The following TEKTL1 variants were observed in gnomAD, a reference collection of about 807,000 sequenced individuals.
TEKTL1 encodes tektin like 1, also known as tektin-like protein 1.
the TEKTL1 span, among the ~76,000 whole-genome samples, chr19:15,017,776 G>C: frequency 6.6e-6 from 1 of 152,154 alleles, no homozygotes; most frequent in Non-Finnish European, 1.5e-5. Context: ...GGAAGCTGTT[G>C]CTGTCTCTTA....
the TEKTL1 span, chr19:15,022,768 C>A: frequency 7.9e-7 from 1 of 1,272,154 alleles, no homozygotes; most frequent in Non-Finnish European, 1.1e-6. Context: ...ATGTGTTCCC[C>A]TCCTCAGCTG....
the TEKTL1 span, chr19:15,013,895 A>G: frequency 1.6e-6 from 1 of 641,178 alleles, no homozygotes; most frequent in Non-Finnish European, 2.8e-6. Context: ...CACACTGACC[A>G]GATATTCACT....
chr19:15,023,245 T>C, the TEKTL1 span: 1 of 813,918 alleles, frequency 1.2e-6, no homozygotes, highest in Non-Finnish European at 1.9e-6. Flanking sequence ...TCTAGGAGAA[T>C]TATAATTAAA....
At chr19:15,020,738 G>C in the TEKTL1 span, 1 of 1,248,528 alleles carries the variant, frequency 8.0e-7, no homozygotes, top group East Asian at 2.5e-5. Context: ...CGCCCACTTA[G>C]CTGTCCCTTT....
At chr19:15,020,564 G>C in the TEKTL1 span, 34 of 1,613,988 alleles carry the variant, frequency 2.1e-5, no homozygotes, top group Admixed American at 5.7e-4. Context: ...GAGCAGGCCA[G>C]ACGCCACTCA....
At chr19:15,021,959 C>T in the TEKTL1 span, 1 of 1,490,284 alleles carries the variant, frequency 6.7e-7, no homozygotes, top group Non-Finnish European at 9.3e-7. Context: ...CCCAGCCCCG[C>T]CAATGGTAAG....
chr19:15,021,362 T>G, the TEKTL1 span: 1 of 1,614,122 alleles, frequency 6.2e-7, no homozygotes, highest in Non-Finnish European at 8.5e-7. Flanking sequence ...GCGTGCGCCT[T>G]GGCGCTAAAC....
the TEKTL1 span, among the ~76,000 whole-genome samples, chr19:15,016,847 A>G: frequency 0.74 from 112,789 of 151,992 alleles, 41,983 homozygotes; most frequent in Admixed American, 0.78. Flanking sequence ...CTGTGTTTCA[A>G]TAAAATTTTA....
the TEKTL1 span, among the ~76,000 whole-genome samples, chr19:15,020,307 CA>C: frequency 0.2 from 28,124 of 139,014 alleles, 3,316 homozygotes; most frequent in South Asian, 0.33. Context: ...GATTTTGTCT[CA>C]AAAAAAAAAA....
the TEKTL1 span, chr19:15,021,864 G>A: frequency 1.2e-6 from 2 of 1,614,010 alleles, no homozygotes; most frequent in Non-Finnish European, 8.5e-7. Context: ...CCCCTGGTTC[G>A]CATGTACCAG....
chr19:15,021,587 G>A, the TEKTL1 span: 1 of 1,613,556 alleles, frequency 6.2e-7, no homozygotes, highest in Non-Finnish European at 8.5e-7. Context: ...GGGAGCCAGC[G>A]TGATCCCCCT....
the TEKTL1 span, among the ~76,000 whole-genome samples, chr19:15,020,013 A>C: frequency 7.4e-5 from 4 of 54,034 alleles, no homozygotes; most frequent in African/African-American, 1.4e-4. Context: ...TACCAGTATC[A>C]AAAAAAAAAA....
chr19:15,020,422 C>T, the TEKTL1 span: 1 of 1,579,026 alleles, frequency 6.3e-7, no homozygotes. Context: ...CCTCAACCTC[C>T]CAGTTCTCAC....
the TEKTL1 span, chr19:15,011,299 C>G: frequency 1.3e-6 from 2 of 1,523,080 alleles, no homozygotes; most frequent in African/African-American, 2.9e-5. Context: ...TGCGCCAGCG[C>G]GAGGTCACCG....
chr19:15,012,840 C>A, the TEKTL1 span, among the ~76,000 whole-genome samples: 2 of 152,018 alleles, frequency 1.3e-5, no homozygotes, highest in East Asian at 1.9e-4. Context: ...AGATGTGAGA[C>A]CCTCAGTGCC....
At chr19:15,013,010 A>T in the TEKTL1 span, among the ~76,000 whole-genome samples, 142 of 152,164 alleles carry the variant, frequency 9.3e-4, no homozygotes, top group African/African-American at 3.3e-3. Context: ...GTCTGTGGTG[A>T]AAGGAAGAAG....
the TEKTL1 span, among the ~76,000 whole-genome samples, chr19:15,019,922 C>G: frequency 1.3e-5 from 2 of 149,638 alleles, no homozygotes; most frequent in East Asian, 4.0e-4. Flanking sequence ...AGTTACGATT[C>G]CACCACTGCA....
At chr19:15,015,376 T>C in the TEKTL1 span, among the ~76,000 whole-genome samples, 4,214 of 152,228 alleles carry the variant, frequency 0.028, 73 homozygotes, top group African/African-American at 0.05. Flanking sequence ...TCGCCTTAAG[T>C]CTCTAGAAGA....
chr19:15,023,132 C>T, the TEKTL1 span: 2 of 1,569,994 alleles, frequency 1.3e-6, no homozygotes, highest in Non-Finnish European at 8.6e-7. Context: ...ACCCCAGCGT[C>T]CCCCGCCCCA....
Sources: allele counts gnomAD v4.1 joint callset (sites outside exome capture counted in the v4.1 genomes callset), GRCh38; gene constraint gnomAD v4.1.1; transcripts MANE v1.5; gene names NCBI Gene and HGNC (gene_info 2026-07-23, HGNC 2026-07-21).